The following SMARCC1 variants were observed in gnomAD, a reference collection of about 807,000 sequenced individuals.
SMARCC1 encodes SWI/SNF related BAF chromatin remodeling complex subunit C1.
A neutral mutation model predicts 147.4 loss-of-function variants in SMARCC1; 43 were observed. The ratio of observed to expected loss-of-function variants is 0.29; its 90% CI spans 0.23 to 0.38. SMARCC1 has a LOEUF of 0.38. SMARCC1 is among the 10% of genes least tolerant of loss of function. The pLI is 1.00. For missense variants in SMARCC1, 1,119 were observed against 1,381.1 expected, an observed-to-expected ratio of 0.81 and a Z score of 3.01; for synonymous variants, 495 against 484.4, an observed-to-expected ratio of 1.02 and a Z score of -0.29.
At chr3:47,643,916 A>G (rs2033084122) in intron 21 of SMARCC1, among the ~76,000 whole-genome samples, 1 of 152,194 alleles carries the variant, frequency 6.6e-6, no homozygotes, top group African/African-American at 2.4e-5. Flanking sequence ...AATGCAAGGC[A>G]CGGGAAGCTC....
At chr3:47,725,396 C>T (rs1168135918) in intron 6 of SMARCC1, among the ~76,000 whole-genome samples, 2 of 152,004 alleles carry the variant, frequency 1.3e-5, no homozygotes, top group African/African-American at 4.8e-5. Flanking sequence ...ACAGTGATGG[C>T]TGCACAACTG....
Position 47,781,754 on chromosome 3 carries a change from C to G in SMARCC1, c.44G>C (p.Gly15Ala), listed in dbSNP as rs557587582. 6.6e-7 allele frequency: 1 copy of G among 1,520,374 alleles called. No individual in the cohort carries two copies. The highest frequency in any genetic ancestry group is 2.3e-5 in the Admixed American group (1 of 44,334). 94.2% of individuals were successfully genotyped at this position (1,520,374 alleles called of 1,614,324 possible). The change falls in exon 1 of 28, where the codon GGC (glycine) becomes GCC (alanine). Residue 15 changes from glycine (G) to alanine (A), a missense_variant. Physicochemically the swap from Gly to Ala is moderately conservative, Grantham distance 60. This residue lies in a region of SMARCC1 where 542 missense variants were observed against 611.8 expected (regional missense o/e 0.89). Coordinates refer to ENST00000254480, the MANE Select transcript of SMARCC1 (RefSeq NM_003074.4). ...AGGGGPGTAV[G>A]ATGSGIAAAA... ...CGCCGCAATCCCCGAGCCCGTGGCGCCTACCGCTGTCCCCGGCCCGCCGCC... is the reference window on the plus strand; with the variant it reads ...CGCCGCAATCCCCGAGCCCGTGGCGGCTACCGCTGTCCCCGGCCCGCCGCC...
Position 47,662,428 on chromosome 3 carries a change from G to A in SMARCC1, c.2064C>T (p.Phe688=). The change falls in exon 20 of 28, where the codon TTC becomes TTT. Residue 688 remains phenylalanine, a synonymous_variant. Coordinates refer to ENST00000254480, the MANE Select transcript of SMARCC1 (RefSeq NM_003074.4). ...TCATAACTGGATTTCCTGACTGACT[G>A]AAGGGGACAGGCTGGTAGGCCAAAG... ...LGPLAYQPVP[F]SQSGNPVMST... is the part of the protein sequence containing the mutation. 6.8e-6 allele frequency: 11 copies of A among 1,614,108 alleles called. No homozygotes were observed. Among genetic ancestry groups the A allele is most frequent in the Non-Finnish European group, 7.6e-6 (9 of 1,179,966 alleles).
At chr3:47,778,212 A>AGC (rs58487736) in intron 1 of SMARCC1, among the ~76,000 whole-genome samples, 1 of 121,320 alleles carries the variant, frequency 8.2e-6, no homozygotes, top group African/African-American at 3.1e-5. Flanking sequence ...ACAAAAAACA[A>AGC]AAAACAAAAA....
chr3:47,661,134 AAACAG>A (rs2106735195), intron 21 of SMARCC1, among the ~76,000 whole-genome samples, 155 bp downstream of exon 21: 1 of 152,372 alleles, frequency 6.6e-6, no homozygotes, highest in East Asian at 1.9e-4. Flanking sequence ...CTACCAAAAG[AAACAG>A]ACAAGAGAAA....
Position 47,749,864 on chromosome 3 carries a change from C to T in SMARCC1, c.316-3871G>A, listed in dbSNP as rs373342077. ...TTGGGAGGCCGAGGCGGGTGGATCA[C>T]GAGGTCAGGAGATCGAGACCATCCT... On this transcript the variant is annotated intron_variant, in intron 2 of 27. Coordinates refer to ENST00000254480, the MANE Select transcript of SMARCC1 (RefSeq NM_003074.4). Among the ~76,000 whole-genome samples the T allele has an allele frequency of 3.9e-3, 597 of 151,840 alleles. 5 individuals are homozygous for T. Among genetic ancestry groups the T allele is most frequent in the African/African-American group, 0.013 (541 of 41,444 alleles).
At chr3:47,670,520 G>A in intron 19 of SMARCC1, 138 bp downstream of exon 19, 2 of 662,322 alleles carry the variant, frequency 3.0e-6, no homozygotes, top group Non-Finnish European at 5.5e-6. Flanking sequence ...GGAGGTAGAG[G>A]CTGCACTGAG....
chr3:47,737,394 G>A (rs1204170103), intron 4 of SMARCC1, among the ~76,000 whole-genome samples: 1 of 151,964 alleles, frequency 6.6e-6, no homozygotes, highest in African/African-American at 2.4e-5. Context: ...GTGAGACCCT[G>A]TCTCAAAGAA....
At chr3:47,594,937 C>T (rs2032246790) in intron 26 of SMARCC1, among the ~76,000 whole-genome samples, 1 of 152,226 alleles carries the variant, frequency 6.6e-6, no homozygotes, top group Admixed American at 6.5e-5. Context: ...ACAACCCATC[C>T]TGACTCCTGC....
intron 18 of SMARCC1, 38 bp downstream of exon 18, chr3:47,675,437 G>A: frequency 1.0e-6 from 1 of 968,420 alleles, no homozygotes; most frequent in Non-Finnish European, 1.7e-6. Flanking sequence ...GGACTAAGAT[G>A]TGCTGGATTG....
intron 8 of SMARCC1, 46 bp downstream of exon 8, chr3:47,714,369 A>T: frequency 1.6e-6 from 2 of 1,229,424 alleles, no homozygotes; most frequent in Non-Finnish European, 2.4e-6. Context: ...TCTCAAAAAA[A>T]ATTTTAAAAA....
At chr3:47,609,885 G>T (rs891849976) in intron 26 of SMARCC1, among the ~76,000 whole-genome samples, 181 bp downstream of exon 26, 4 of 152,202 alleles carry the variant, frequency 2.6e-5, no homozygotes, top group African/African-American at 9.7e-5. Flanking sequence ...AAGAGAAAAA[G>T]AACATGGAAG....
chr3:47,701,134 T>TA (rs2033912144), intron 11 of SMARCC1, 144 bp downstream of exon 11: 2 of 578,074 alleles, frequency 3.5e-6, no homozygotes, highest in Non-Finnish European at 5.7e-6. Flanking sequence ...TAAAGAAAAT[T>TA]AAAAAAAGAT....
intron 26 of SMARCC1, among the ~76,000 whole-genome samples, chr3:47,593,429 C>T (rs1333318602): frequency 3.9e-5 from 6 of 152,076 alleles, no homozygotes; most frequent in Non-Finnish European, 8.8e-5. Context: ...GCCTCGGCCG[C>T]CCAAAGTGCT....
intron 19 of SMARCC1, among the ~76,000 whole-genome samples, chr3:47,662,844 G>A (rs1458469399): frequency 8.6e-5 from 13 of 151,428 alleles, no homozygotes; most frequent in Non-Finnish European, 1.6e-4. Flanking sequence ...AGGCAGAGGT[G>A]GGCAGATCAC....
In SMARCC1 at chr3:47,588,187, G is replaced by A; in HGVS notation, c.*22C>T. ...ACTCCAGCTCATGGTGGTGGGCGTG[G>A]AGGTTCCCTGCATCTTCCAGGCTAA... On this transcript the variant is annotated 3_prime_UTR_variant, in exon 28 of 28. Coordinates refer to ENST00000254480, the MANE Select transcript of SMARCC1 (RefSeq NM_003074.4). 1 of 1,585,306 alleles carries A rather than the reference G, an allele frequency of 6.3e-7. No homozygotes were observed. Among genetic ancestry groups the A allele is most frequent in the Non-Finnish European group, 8.7e-7 (1 of 1,155,356 alleles).
chr3:47,739,213 A>G (rs1419000438), intron 3 of SMARCC1, among the ~76,000 whole-genome samples: 9 of 152,244 alleles, frequency 5.9e-5, no homozygotes, highest in African/African-American at 7.2e-5. Flanking sequence ...CCACTGCTTC[A>G]TAAATATAAC....
rs561646724 is a variant in SMARCC1 at position 47,677,036 on chromosome 3, G to A, written c.1572-254C>T. On this transcript the variant is annotated intron_variant, in intron 16 of 27. Coordinates refer to ENST00000254480, the MANE Select transcript of SMARCC1 (RefSeq NM_003074.4). ...ATTTCAATCACAGAAATGAGAGCAC[G>A]AATACGCATTTAGGTCCATGGTAAT... Among the ~76,000 whole-genome samples the A allele has an allele frequency of 2.6e-5, 4 of 152,212 alleles. No homozygotes were observed. The East Asian group carries it at 5.8e-4, about 22-fold the overall frequency.
At chr3:47,597,228 C>A (rs866050155) in intron 26 of SMARCC1, among the ~76,000 whole-genome samples, 43 of 152,206 alleles carry the variant, frequency 2.8e-4, no homozygotes, top group Middle Eastern at 3.5e-3. Context: ...ATGGTCATAG[C>A]TCACTAAAGC....
Sources: gnomAD v4.1 joint callset for allele counts (sites outside exome capture counted in the v4.1 genomes callset) on GRCh38, gnomAD v4.1.1 for gene constraint, gnomAD v4.1.1 regional missense constraint, MANE v1.5 for transcripts, NCBI Gene and HGNC (gene_info 2026-07-23, HGNC 2026-07-21) for gene names.